PIP4K2A: variants seen among roughly 807,000 people sequenced by gnomAD.
PIP4K2A encodes phosphatidylinositol-5-phosphate 4-kinase type 2 alpha.
A neutral mutation model predicts 42.9 loss-of-function variants in PIP4K2A; 14 were observed. The observed-to-expected ratio is 0.33, with a 90% CI of 0.22 to 0.51. The LOEUF (loss-of-function observed/expected upper bound fraction) is 0.51. Ranked by LOEUF, PIP4K2A falls within the 20% of genes least tolerant of loss-of-function variation. The pLI is 0.97. For missense variants in PIP4K2A, 434 were observed against 519.8 expected, an observed-to-expected ratio of 0.83 and a Z score of 1.61; for synonymous variants, 192 against 192.2, an observed-to-expected ratio of 1.00 and a Z score of 0.01.
chr10:22,696,395 C>T (rs1196295271), intron 1 of PIP4K2A, among the ~76,000 whole-genome samples: 3 of 152,112 alleles, frequency 2.0e-5, no homozygotes, highest in Non-Finnish European at 4.4e-5. Flanking sequence ...GTCTTTTCTT[C>T]TTATAAATAA....
rs80297684 is a variant in PIP4K2A at position 22,693,600 on chromosome 10, G to T, written c.144+20583C>A. Among the ~76,000 whole-genome samples, 442 of 152,280 alleles carry T rather than the reference G, an allele frequency of 2.9e-3. 5 individuals are homozygous for T. Among genetic ancestry groups the T allele is most frequent in the African/African-American group, 0.01 (429 of 41,550 alleles). Reference sequence around the variant, plus strand: ...AAAAGAACAGAGCCGAGAGATCTGAGAGAGAAATTAGTTTTTAGAAAGTCA... The same window carrying T: ...AAAAGAACAGAGCCGAGAGATCTGATAGAGAAATTAGTTTTTAGAAAGTCA... On this transcript the variant is annotated intron_variant, in intron 1 of 9. Transcript: ENST00000376573.
At chr10:22,569,717 C>G (rs1202210103) in intron 5 of PIP4K2A, among the ~76,000 whole-genome samples, 1 of 151,978 alleles carries the variant, frequency 6.6e-6, no homozygotes, top group African/African-American at 2.4e-5. Context: ...TATAATCCAC[C>G]CTGCTTCTGA....
rs563810294 is a variant in PIP4K2A at position 22,657,528 on chromosome 10, C to G, written c.145-47811G>C. On this transcript the variant is annotated intron_variant, in intron 1 of 9. Coordinates refer to ENST00000376573, the MANE Select transcript of PIP4K2A (RefSeq NM_005028.5). ...CACCTGAAGGATCTTCAAAAGGATG[C>G]CTTTCAACTCCCTATTCCAAAGCAA... Among the ~76,000 whole-genome samples the G allele has an allele frequency of 9.2e-5, 14 of 152,316 alleles. No homozygotes were observed. In the South Asian group the frequency reaches 2.5e-3, roughly 27 times the overall value.
At chr10:22,693,208 A>G (rs1259993848) in intron 1 of PIP4K2A, among the ~76,000 whole-genome samples, 1 of 152,222 alleles carries the variant, frequency 6.6e-6, no homozygotes, top group East Asian at 1.9e-4. Context: ...TCAAGTTCCA[A>G]TGTCAATTTC....
intron 1 of PIP4K2A, among the ~76,000 whole-genome samples, chr10:22,630,079 G>T (rs1047880716): frequency 6.6e-6 from 1 of 151,490 alleles, no homozygotes; most frequent in South Asian, 2.1e-4. Flanking sequence ...GCTCATGCTT[G>T]TAATCCCAGC....
At chr10:22,638,104 A>C (rs1289738187) in intron 1 of PIP4K2A, among the ~76,000 whole-genome samples, 1 of 152,188 alleles carries the variant, frequency 6.6e-6, no homozygotes, top group African/African-American at 2.4e-5. Context: ...AATGATCCCC[A>C]ATGGGGCTCC....
intron 1 of PIP4K2A, among the ~76,000 whole-genome samples, chr10:22,684,160 A>G (rs1464946013): frequency 6.6e-6 from 1 of 152,140 alleles, no homozygotes; most frequent in Non-Finnish European, 1.5e-5. Flanking sequence ...CCTGTGGCAA[A>G]CCATCTTTCA....
chr10:22,696,769 A>T (rs1839980994), intron 1 of PIP4K2A, among the ~76,000 whole-genome samples: 1 of 152,180 alleles, frequency 6.6e-6, no homozygotes, highest in Non-Finnish European at 1.5e-5. Flanking sequence ...TAGAACAAGG[A>T]ATAATTCTCT....
At chr10:22,680,707 C>T (rs1486663481) in intron 1 of PIP4K2A, among the ~76,000 whole-genome samples, 1 of 152,162 alleles carries the variant, frequency 6.6e-6, no homozygotes, top group Non-Finnish European at 1.5e-5. Context: ...ACATTGTGTT[C>T]CTGCGACAGC....
chr10:22,536,085 GT>G lies in PIP4K2A; in HGVS notation c.*1115del, dbSNP rs1835910900. 2.5e-6 allele frequency: 1 copy of G among 398,460 alleles called. No individual in the cohort carries two copies. Among genetic ancestry groups the G allele is most frequent in the East Asian group, 3.6e-5 (1 of 28,042 alleles). The allele number at this position is 398,460 out of a possible 1,614,324, so 24.7% of individuals were successfully genotyped here. ...ATTTTTAGATTCAAAAGATATCCCT[GT>G]TTTCCTAATAATGTAAACAGTAAAA... On this transcript the variant is annotated 3_prime_UTR_variant, in exon 10 of 10. Coordinates refer to ENST00000376573, the MANE Select transcript of PIP4K2A (RefSeq NM_005028.5).
chr10:22,653,781 G>A (rs1181306319), intron 1 of PIP4K2A, among the ~76,000 whole-genome samples: 2 of 152,160 alleles, frequency 1.3e-5, no homozygotes, highest in Non-Finnish European at 2.9e-5. Flanking sequence ...GGCTGAGGCA[G>A]GAGAATCGCA....
chr10:22,566,142 TC>T (rs755606969), intron 6 of PIP4K2A, among the ~76,000 whole-genome samples: 1 of 152,124 alleles, frequency 6.6e-6, no homozygotes, highest in Non-Finnish European at 1.5e-5. Context: ...ATTCACACAC[TC>T]CCTCCCCTTT....
intron 7 of PIP4K2A, among the ~76,000 whole-genome samples, chr10:22,542,312 T>TGGCTGGATTTTTACCAGATAGCAA (rs6143823): frequency 6.6e-6 from 1 of 151,634 alleles, no homozygotes; most frequent in South Asian, 2.1e-4. Flanking sequence ...TATCACAGGG[T>TGGCTGGATTTTTACCAGATAGCAA]GGCTGGATTT....
chr10:22,699,235 T>C (rs1475981411), intron 1 of PIP4K2A, among the ~76,000 whole-genome samples: 1 of 152,178 alleles, frequency 6.6e-6, no homozygotes. Flanking sequence ...ACTTTCCATC[T>C]GGGTGCAGGC....
At chr10:22,563,472 T>C (rs1193327580) in intron 6 of PIP4K2A, among the ~76,000 whole-genome samples, 1 of 152,274 alleles carries the variant, frequency 6.6e-6, no homozygotes, top group African/African-American at 2.4e-5. Context: ...TTTATTTCAC[T>C]ACTTTAGAAA....
At chr10:22,578,296 A>AC (rs935058058) in intron 4 of PIP4K2A, among the ~76,000 whole-genome samples, 16 of 151,826 alleles carry the variant, frequency 1.1e-4, no homozygotes, top group African/African-American at 3.4e-4. Context: ...TTGCTCTGTA[A>AC]CCCCCCATCC....
intron 1 of PIP4K2A, among the ~76,000 whole-genome samples, chr10:22,620,188 G>C (rs1838289947): frequency 6.6e-6 from 1 of 152,158 alleles, no homozygotes; most frequent in Admixed American, 6.5e-5. Flanking sequence ...GGACATCCTT[G>C]CCGGCTGGCC....
intron 1 of PIP4K2A, among the ~76,000 whole-genome samples, chr10:22,700,687 A>G (rs2130915345): frequency 6.6e-6 from 1 of 152,312 alleles, no homozygotes; most frequent in East Asian, 1.9e-4. Context: ...GCCTTTGTGC[A>G]GGTCATGTAG....
At chr10:22,548,075 G>T (rs904889539) in intron 7 of PIP4K2A, among the ~76,000 whole-genome samples, 1 of 152,154 alleles carries the variant, frequency 6.6e-6, no homozygotes, top group Admixed American at 6.5e-5. Flanking sequence ...TAGAAAGCAT[G>T]GAACTGATGA....
Sources: allele counts gnomAD v4.1 joint callset (sites outside exome capture counted in the v4.1 genomes callset), GRCh38; gene constraint gnomAD v4.1.1; transcripts MANE v1.5; gene names NCBI Gene and HGNC (gene_info 2026-07-23, HGNC 2026-07-21).